Variants in BBS5 observed in about 807,000 individuals in gnomAD.
The protein encoded by BBS5 is BBSome complex member BBS5.
Under a neutral mutation model 50.2 loss-of-function variants are expected in BBS5, and 39 were observed. That is an observed-to-expected ratio of 0.78 (90% CI 0.60 to 1.01). BBS5 has a LOEUF of 1.01. BBS5 is among the 50% of genes least tolerant of loss of function. The pLI is 0.00. For missense variants in BBS5, 356 were observed against 401.5 expected (o/e 0.89, Z 0.97); for synonymous variants, 134 against 133.1 (o/e 1.01, Z -0.05).
chr2:169,501,323 C>A (rs546630493), intron 9 of BBS5, among the ~76,000 whole-genome samples: 1 of 152,302 alleles, frequency 6.6e-6, no homozygotes, highest in East Asian at 1.9e-4. Context: ...TATTACTCTT[C>A]TTTGTAGAAT....
At chr2:169,492,040 G>C (rs1262117946) in intron 5 of BBS5, among the ~76,000 whole-genome samples, 2 of 151,938 alleles carry the variant, frequency 1.3e-5, no homozygotes, top group East Asian at 3.9e-4. Context: ...CAAGTGATCT[G>C]CCCACCTCGG....
At chr2:169,484,404 G>A (rs1346095728) in intron 2 of BBS5, among the ~76,000 whole-genome samples, 1 of 151,118 alleles carries the variant, frequency 6.6e-6, no homozygotes, top group South Asian at 2.1e-4. Context: ...AGAAATAACT[G>A]TGTGTGTGTG....
At position 169,482,328 on chromosome 2, in the gene BBS5, A is replaced by C. The variant is rs750950286; in HGVS notation, c.137A>C (p.Asp46Ala). ...GAAGACACCAAAGGAAATAATGGAGATAGAGGTGAGTATATTTTTAAATGT... is the reference window on the plus strand; with the variant it reads ...GAAGACACCAAAGGAAATAATGGAGCTAGAGGTGAGTATATTTTTAAATGT... ...SIEDTKGNNG[D>A]RGRLLVTNLR... Residue 46 changes from aspartate (D) to alanine (A), a missense_variant, in exon 2 of 12, where the codon GAT becomes GCT. Coordinates refer to ENST00000295240, the MANE Select transcript of BBS5 (RefSeq NM_152384.3). The C allele has an allele frequency of 6.4e-7, 1 of 1,563,754 alleles. No homozygotes were observed. The highest frequency in any genetic ancestry group is 2.2e-5 in the East Asian group (1 of 44,560).
intron 7 of BBS5, among the ~76,000 whole-genome samples, chr2:169,497,055 T>G (rs906243899): frequency 6.6e-6 from 1 of 150,462 alleles, no homozygotes; most frequent in African/African-American, 2.4e-5. Flanking sequence ...CACTGTGGCT[T>G]ATGCCTGTAA....
chr2:169,500,139 G>T (rs916963652), intron 9 of BBS5, among the ~76,000 whole-genome samples: 3 of 152,156 alleles, frequency 2.0e-5, no homozygotes, highest in African/African-American at 7.2e-5. Flanking sequence ...TCTTCTTCAT[G>T]ATTTCTTTCC....
intron 2 of BBS5, among the ~76,000 whole-genome samples, chr2:169,483,082 G>A (rs141396904): frequency 2.2e-3 from 342 of 152,312 alleles, no homozygotes; most frequent in East Asian, 0.019. Flanking sequence ...CCTCTTATTG[G>A]AAAGGGGTAA....
chr2:169,490,187 A>ATTTTTTTT (rs1189751993), intron 5 of BBS5, among the ~76,000 whole-genome samples: 7 of 79,398 alleles, frequency 8.8e-5, no homozygotes, highest in Non-Finnish European at 1.4e-4. Context: ...TGAAATGTGC[A>ATTTTTTTT]TTTTTTTTTT....
intron 7 of BBS5, among the ~76,000 whole-genome samples, chr2:169,494,943 C>A (rs72885839): frequency 6.6e-6 from 1 of 152,102 alleles, no homozygotes; most frequent in Non-Finnish European, 1.5e-5. Flanking sequence ...AAGAATAATT[C>A]TTTGCAAAAT....
At position 169,505,128 on chromosome 2, in the gene BBS5, T is replaced by C; in HGVS notation, c.*546T>C. The C allele has an allele frequency of 1.2e-6, 1 of 804,216 alleles. No individual in the cohort carries two copies. Among genetic ancestry groups the C allele is most frequent in the East Asian group, 2.7e-5 (1 of 36,804 alleles). 49.8% of individuals were successfully genotyped at this position (804,216 alleles called of 1,614,324 possible). On this transcript the variant is annotated 3_prime_UTR_variant, in exon 12 of 12. Coordinates refer to ENST00000295240, the MANE Select transcript of BBS5 (RefSeq NM_152384.3). ...CGCCGCCACACCTGACTGGTTTTCG[T>C]ATTTTTTTGGTGGAGACGGGGTTTC...
chr2:169,497,321 A>G (rs1369018453), intron 7 of BBS5, among the ~76,000 whole-genome samples: 4 of 152,182 alleles, frequency 2.6e-5, no homozygotes, highest in Non-Finnish European at 5.9e-5. Context: ...GACCTAATTA[A>G]TTTAATTGTC....
chr2:169,482,975 T>C (rs1683426876), intron 2 of BBS5, among the ~76,000 whole-genome samples: 1 of 152,086 alleles, frequency 6.6e-6, no homozygotes, highest in African/African-American at 2.4e-5. Flanking sequence ...GAAAGCATCA[T>C]TACTTCCAAG....
chr2:169,489,851 CTTTTTTTTTTTTTTTT>C (rs71003093), intron 5 of BBS5, among the ~76,000 whole-genome samples: 15 of 65,896 alleles, frequency 2.3e-4, no homozygotes, highest in South Asian at 5.7e-4. Flanking sequence ...CATAAATTTC[CTTTTTTTTTTTTTTTT>C]TTTTTTTTTT....
At chr2:169,480,667 ATTCTT>A (rs1683373872) in intron 1 of BBS5, among the ~76,000 whole-genome samples, 4 of 90,318 alleles carry the variant, frequency 4.4e-5, no homozygotes, top group Admixed American at 2.8e-4. Context: ...ATTTTCTGTC[ATTCTT>A]TTTTTTTTTT....
In BBS5 at chr2:169,493,846, T is replaced by C. The variant is rs759155760; in HGVS notation, c.618+10T>C. ...ACCATATCTGCAAATTGTAAGTACA[T>C]ACATTTTGATGACCTTATTTTAATG... On this transcript the variant is annotated intron_variant, in intron 7 of 11. Coordinates refer to ENST00000295240, the MANE Select transcript of BBS5 (RefSeq NM_152384.3). The C allele has an allele frequency of 2.0e-6, 3 of 1,514,398 alleles. No individual in the cohort carries two copies. The African/African-American group carries it at 4.1e-5, about 21-fold the overall frequency. 93.8% of individuals were successfully genotyped at this position (1,514,398 alleles called of 1,614,324 possible). A position where few individuals can be genotyped will look rare whatever the true frequency, so the allele number is the denominator to read the frequency against.
intron 2 of BBS5, 52 bp downstream of exon 2, chr2:169,482,385 TGAATC>T: frequency 8.9e-7 from 1 of 1,119,634 alleles, no homozygotes; most frequent in Non-Finnish European, 1.4e-6. Flanking sequence ...TTACAAATGT[TGAATC>T]ATATTAGCTA....
Position 169,506,322 on chromosome 2 carries a change from C to T in BBS5, c.*1740C>T, listed in dbSNP as rs760374709. On this transcript the variant is annotated 3_prime_UTR_variant, in exon 12 of 12. Coordinates refer to ENST00000295240, the MANE Select transcript of BBS5 (RefSeq NM_152384.3). The stretch of plus-strand genomic sequence containing the variant: ...GGTGTACCCAACAGCTCATTGAGAG[C>T]GGGCGATGATGACAGTGGCGGCTTT... 8.4e-5 allele frequency: 15 copies of T among 178,416 alleles called. No homozygotes were observed. The highest frequency in any genetic ancestry group is 1.7e-4 in the East Asian group (1 of 5,926). 11.1% of individuals were successfully genotyped at this position (178,416 alleles called of 1,614,324 possible). A position where few individuals can be genotyped will look rare whatever the true frequency, so the allele number is the denominator to read the frequency against.
rs577688589 is a variant in BBS5, at chr2:169,480,670, CTTTTTTTTTTT to C, written c.59+1076_59+1086del. Reference sequence around the variant, plus strand: ...ACTTTCTATGACATTTTCTGTCATTCTTTTTTTTTTTTTTTTTTTTTTTTTTTTGAGACAGA... The same window carrying C: ...ACTTTCTATGACATTTTCTGTCATTCTTTTTTTTTTTTTTTTTGAGACAGA... On this transcript the variant is annotated intron_variant, in intron 1 of 11. Coordinates refer to ENST00000295240, the MANE Select transcript of BBS5 (RefSeq NM_152384.3). Among the ~76,000 whole-genome samples the C allele has an allele frequency of 9.6e-5, 7 of 73,202 alleles. 1 individual carries two copies. The South Asian group carries it at 3.3e-3, about 35-fold the overall frequency. 48.0% of individuals were successfully genotyped at this position (73,202 alleles called of 152,430 possible).
chr2:169,492,622 T>C (rs1164102783), intron 5 of BBS5, among the ~76,000 whole-genome samples: 1 of 152,282 alleles, frequency 6.6e-6, no homozygotes, highest in African/African-American at 2.4e-5. Flanking sequence ...CACATGCCTA[T>C]AGTCCCAGCT....
At chr2:169,501,236 A>T (rs1251298158) in intron 9 of BBS5, among the ~76,000 whole-genome samples, 1 of 152,186 alleles carries the variant, frequency 6.6e-6, no homozygotes. Flanking sequence ...TGTACTCAAA[A>T]CTTTGAAGTA....
Sources: allele counts gnomAD v4.1 joint callset (sites outside exome capture counted in the v4.1 genomes callset), GRCh38; gene constraint gnomAD v4.1.1; transcripts MANE v1.5; gene names NCBI Gene and HGNC (gene_info 2026-07-23, HGNC 2026-07-21).